Variants in TRIP12 observed in about 807,000 individuals in gnomAD.
TRIP12 encodes the protein E3 ubiquitin-protein ligase TRIP12.
Under a neutral mutation model 244.2 loss-of-function variants are expected in TRIP12, and 25 were observed. The ratio of observed to expected loss-of-function variants is 0.10; its 90% CI spans 0.07 to 0.14. The LOEUF is 0.14. TRIP12 is among the 10% of genes least tolerant of loss of function. The pLI is 1.00. For missense variants in TRIP12, 1,677 were observed against 2,486.4 expected, an observed-to-expected ratio of 0.67 and a Z score of 6.92; for synonymous variants, 905 against 873.1, an observed-to-expected ratio of 1.04 and a Z score of -0.64.
intron 5 of TRIP12, among the ~76,000 whole-genome samples, chr2:229,838,709 G>A (rs970196700): frequency 2.6e-5 from 4 of 152,080 alleles, no homozygotes; most frequent in Non-Finnish European, 5.9e-5. Context: ...GCCCAAAATA[G>A]GACAAAAACT....
At chr2:229,885,002 T>C (rs960519163) in intron 1 of TRIP12, among the ~76,000 whole-genome samples, 1 of 152,158 alleles carries the variant, frequency 6.6e-6, no homozygotes, top group African/African-American at 2.4e-5. Context: ...CAGCCACATA[T>C]TGCACTAGTG....
At position 229,767,388 on chromosome 2, in the gene TRIP12, G is replaced by A; in HGVS notation, c.*166C>T. On this transcript the variant is annotated 3_prime_UTR_variant, in exon 42 of 42. Transcript: ENST00000675903. The stretch of plus-strand genomic sequence containing the variant: ...AGGGCCTGATCACTTTAAGTCCATG[G>A]GGCCATTAATGAATATCAACCAAAT... 1 of 690,606 alleles carries A rather than the reference G, an allele frequency of 1.4e-6. No individual in the cohort carries two copies. The highest frequency in any genetic ancestry group is 3.4e-5 in the South Asian group (1 of 29,210). 42.8% of individuals were successfully genotyped at this position (690,606 alleles called of 1,614,324 possible).
At chr2:229,835,350 C>T (rs2054531365) in intron 6 of TRIP12, among the ~76,000 whole-genome samples, 1 of 152,206 alleles carries the variant, frequency 6.6e-6, no homozygotes, top group African/African-American at 2.4e-5. Flanking sequence ...AGCCTGATTC[C>T]TGTATGCTTT....
At chr2:229,858,270 A>G (rs1050985009) in intron 4 of TRIP12, among the ~76,000 whole-genome samples, 2 of 152,124 alleles carry the variant, frequency 1.3e-5, no homozygotes, top group Non-Finnish European at 2.9e-5. Context: ...GGCCAAGGCA[A>G]GAGGATTGCT....
chr2:229,909,187 A>G (rs1446988053), intron 1 of TRIP12, among the ~76,000 whole-genome samples: 1 of 152,018 alleles, frequency 6.6e-6, no homozygotes, highest in Non-Finnish European at 1.5e-5. Flanking sequence ...TACATTTTAT[A>G]TATCTTTATA....
chr2:229,792,918 T>C, intron 27 of TRIP12, 55 bp downstream of exon 27: 1 of 1,535,520 alleles, frequency 6.5e-7, no homozygotes, highest in Non-Finnish European at 8.8e-7. Flanking sequence ...ACTCTTAATG[T>C]AAATTTCTCC....
intron 1 of TRIP12, among the ~76,000 whole-genome samples, chr2:229,895,540 C>A (rs1392188440): frequency 6.9e-6 from 1 of 145,656 alleles, no homozygotes; most frequent in Non-Finnish European, 1.5e-5. Flanking sequence ...TGTCCTAAGT[C>A]AAAAACAAAA....
At chr2:229,877,736 T>C (rs1298984905) in intron 2 of TRIP12, among the ~76,000 whole-genome samples, 2 of 151,978 alleles carry the variant, frequency 1.3e-5, no homozygotes, top group Non-Finnish European at 2.9e-5. Flanking sequence ...GTTACTTACA[T>C]GCACATACAT....
At chr2:229,819,072 ACACACACACACAC>A (rs1319703407) in intron 8 of TRIP12, among the ~76,000 whole-genome samples, 3 of 147,668 alleles carry the variant, frequency 2.0e-5, no homozygotes, top group Non-Finnish European at 3.0e-5. Flanking sequence ...ACACACACAC[ACACACACACACAC>A]AATTATAAAC....
chr2:229,873,603 TTTCTC>T (rs1185744459), intron 2 of TRIP12, among the ~76,000 whole-genome samples: 2 of 152,166 alleles, frequency 1.3e-5, no homozygotes, highest in African/African-American at 4.8e-5. Context: ...AACACAGACT[TTTCTC>T]TGAATAGTTC....
intron 25 of TRIP12, 144 bp downstream of exon 25, chr2:229,796,447 G>T: frequency 1.8e-6 from 1 of 564,002 alleles, no homozygotes; most frequent in Non-Finnish European, 2.9e-6. Context: ...TACAGAAGTT[G>T]AAGGATTCCA....
rs1227705568 is a variant in TRIP12, at chr2:229,860,508, T to C, written c.122A>G (p.His41Arg). ...ACTCTCAGGAGGGCTATATCCCTTA[T>C]GTTTTGCCTGCCCTAAATGTGACCT... ...GGRSHLGQAK[H>R]KGYSPPESRK... The change falls in exon 3 of 42, where the codon CAT (histidine) becomes CGT (arginine). Residue 41 changes from histidine (H) to arginine (R), a missense_variant. Around this residue, in one of 11 missense-constraint regions of TRIP12, gnomAD observed 387 missense variants for 392.6 expected, o/e 0.99. Coordinates refer to ENST00000675903, the MANE Select transcript of TRIP12 (RefSeq NM_001348323.3). 30 of 1,609,282 alleles carry C rather than the reference T, an allele frequency of 1.9e-5. No homozygotes were observed. Among genetic ancestry groups the C allele is most frequent in the Non-Finnish European group, 2.5e-5 (30 of 1,178,068 alleles).
At chr2:229,906,719 CAAAACAAAAAAAAA>C (rs1196024267) in intron 1 of TRIP12, among the ~76,000 whole-genome samples, 2 of 106,272 alleles carry the variant, frequency 1.9e-5, no homozygotes, top group Non-Finnish European at 3.8e-5. Context: ...GACTCCACCT[CAAAACAAAAAAAAA>C]AAAAGAAAAA....
At chr2:229,789,378 A>T (rs1166426882) in intron 31 of TRIP12, among the ~76,000 whole-genome samples, 2 of 152,246 alleles carry the variant, frequency 1.3e-5, no homozygotes, top group Non-Finnish European at 2.9e-5. Flanking sequence ...ATTGTAGCTT[A>T]ATTTCATAAA....
intron 1 of TRIP12, among the ~76,000 whole-genome samples, chr2:229,918,630 C>T (rs2075947354): frequency 6.6e-6 from 1 of 152,078 alleles, no homozygotes. Flanking sequence ...AAGTATCTGG[C>T]ATGCTGATAC....
chr2:229,919,739 C>A (rs2076147946), intron 1 of TRIP12, among the ~76,000 whole-genome samples: 1 of 152,162 alleles, frequency 6.6e-6, no homozygotes, highest in Admixed American at 6.5e-5. Context: ...CAATGATAAT[C>A]TTAATTACAG....
chr2:229,855,800 G>A (rs2059507523), intron 4 of TRIP12, among the ~76,000 whole-genome samples: 1 of 152,034 alleles, frequency 6.6e-6, no homozygotes, highest in South Asian at 2.1e-4. Context: ...CCAGCACTTT[G>A]GAAGGCTGAG....
chr2:229,831,166 A>T, intron 6 of TRIP12: 1 of 712,506 alleles, frequency 1.4e-6, no homozygotes, highest in Admixed American at 2.1e-5. Flanking sequence ...AATAAAGAAC[A>T]TACTGCTGTA....
At chr2:229,792,834 A>G in intron 27 of TRIP12, 139 bp downstream of exon 27, 1 of 891,954 alleles carries the variant, frequency 1.1e-6, no homozygotes, top group Non-Finnish European at 1.6e-6. Flanking sequence ...AGTAGAAAAT[A>G]AAAGACAGGA....
Sources: allele counts gnomAD v4.1 joint callset (sites outside exome capture counted in the v4.1 genomes callset), GRCh38; gene constraint gnomAD v4.1.1; regional missense constraint gnomAD v4.1.1; transcripts MANE v1.5; gene names NCBI Gene and HGNC (gene_info 2026-07-23, HGNC 2026-07-21).